The following KCNH5 variants were observed in gnomAD, a reference collection of about 807,000 sequenced individuals.
KCNH5 encodes voltage-gated delayed rectifier potassium channel KCNH5.
In KCNH5, 46 loss-of-function variants were observed where a neutral mutation model predicts 96.1. That is an observed-to-expected ratio of 0.48 (90% confidence interval 0.38 to 0.61). The LOEUF (loss-of-function observed/expected upper bound fraction) is 0.61, where lower values mean the gene tolerates loss of function less well. KCNH5 is among the 20% of genes least tolerant of loss of function. KCNH5 has a pLI of 0.00. For missense variants in KCNH5, 907 were observed against 1,225.8 expected, an observed-to-expected ratio of 0.74 and a Z score of 3.88; for synonymous variants, 439 against 449.8, an observed-to-expected ratio of 0.98 and a Z score of 0.30.
intron 8 of KCNH5, among the ~76,000 whole-genome samples, chr14:62,833,589 CT>C (rs1336868315): frequency 2.6e-5 from 4 of 151,904 alleles, no homozygotes; most frequent in Admixed American, 2.6e-4. Flanking sequence ...GTTTTTCTTT[CT>C]CAAGATTGCT....
intron 10 of KCNH5, among the ~76,000 whole-genome samples, chr14:62,760,309 T>A (rs1445802253): frequency 6.6e-6 from 1 of 152,226 alleles, no homozygotes; most frequent in Non-Finnish European, 1.5e-5. Context: ...ATTACCCATG[T>A]AATGCTCTAA....
intron 8 of KCNH5, among the ~76,000 whole-genome samples, chr14:62,836,944 C>A (rs1887477242): frequency 6.6e-6 from 1 of 152,100 alleles, no homozygotes; most frequent in African/African-American, 2.4e-5. Flanking sequence ...TTTGACTCTA[C>A]CGTTTATTAG....
chr14:62,785,721 A>G (rs1398915088), intron 9 of KCNH5, among the ~76,000 whole-genome samples: 1 of 152,228 alleles, frequency 6.6e-6, no homozygotes, highest in Non-Finnish European at 1.5e-5. Context: ...AGGAAACTGG[A>G]ACATTTAAGA....
intron 8 of KCNH5, among the ~76,000 whole-genome samples, chr14:62,816,208 C>T (rs1422568395): frequency 6.6e-6 from 1 of 151,706 alleles, no homozygotes; most frequent in Non-Finnish European, 1.5e-5. Context: ...AAATATAGTT[C>T]AGCAATTGAA....
chr14:63,002,948 C>T lies in KCNH5; in HGVS notation c.305-1489G>A, dbSNP rs111595119. ...GACCAGGAACTGTGAGTGATGTGCA[C>T]GGTTTTACAAATCACCAGACCCAGA... On this transcript the variant is annotated intron_variant, in intron 3 of 10. Transcript: ENST00000322893. 2.1e-3 allele frequency among the ~76,000 whole-genome samples: 317 copies of T among 152,180 alleles called. 3 individuals carry two copies. The highest frequency in any genetic ancestry group is 7.2e-3 in the African/African-American group (300 of 41,520).
intron 8 of KCNH5, among the ~76,000 whole-genome samples, chr14:62,821,669 AT>A (rs1887116212): frequency 1.3e-5 from 2 of 152,164 alleles, no homozygotes; most frequent in Admixed American, 6.6e-5. Flanking sequence ...AATATTATTT[AT>A]TCAGACATAA....
chr14:63,014,154 T>C (rs573586053), intron 2 of KCNH5, among the ~76,000 whole-genome samples: 58 of 152,234 alleles, frequency 3.8e-4, no homozygotes, highest in African/African-American at 1.4e-3. Context: ...CTCTGATAAG[T>C]AAAGACAATT....
Position 62,802,600 on chromosome 14 carries a change from GA to G in KCNH5, c.1570-20del, listed in dbSNP as rs1886686865. 3 of 1,609,130 alleles carry G rather than the reference GA, an allele frequency of 1.9e-6. No homozygotes were observed. Among genetic ancestry groups the G allele is most frequent in the Non-Finnish European group, 2.5e-6 (3 of 1,176,486 alleles). ...AGAGGACCTAAAGAAGGTGAGAGAT[GA>G]ATAAGTGAAAAGGAAAGAGGAAGGG... is the stretch of plus-strand genomic sequence containing the variant. On this transcript the variant is annotated intron_variant, in intron 8 of 10. Transcript: ENST00000322893.
chr14:62,699,806 A>G lies in KCNH5; in HGVS notation c.*7702T>C, dbSNP rs188492157. 49 of 152,282 alleles carry G rather than the reference A, an allele frequency of 3.2e-4. No homozygotes were observed. Among genetic ancestry groups the G allele is most frequent in the African/African-American group, 1.1e-3 (45 of 41,566 alleles). The allele number at this position is 152,282 out of a possible 1,614,324, so 9.4% of individuals were successfully genotyped here. On this transcript the variant is annotated 3_prime_UTR_variant, in exon 11 of 11. Transcript: ENST00000322893. ...GGTCAACAGTACATACAAAATTTCT[A>G]TATTATACATTGCAGTATCTTTGTT...
intron 10 of KCNH5, among the ~76,000 whole-genome samples, chr14:62,745,308 A>G (rs1283404542): frequency 6.6e-6 from 1 of 152,204 alleles, no homozygotes; most frequent in African/African-American, 2.4e-5. Flanking sequence ...AGTGGCAGCC[A>G]TGTCAATTCC....
At chr14:62,810,447 A>C (rs935665275) in intron 8 of KCNH5, among the ~76,000 whole-genome samples, 1 of 152,082 alleles carries the variant, frequency 6.6e-6, no homozygotes, top group Non-Finnish European at 1.5e-5. Flanking sequence ...GCTGAGACGT[A>C]CTGGGCTACA....
At chr14:62,722,454 G>C (rs2139915013) in intron 10 of KCNH5, among the ~76,000 whole-genome samples, 2 of 152,280 alleles carry the variant, frequency 1.3e-5, no homozygotes, top group East Asian at 3.9e-4. Context: ...ACAGTGAAGA[G>C]TGACAAAGCA....
intron 8 of KCNH5, among the ~76,000 whole-genome samples, chr14:62,824,075 C>A (rs977035204): frequency 6.6e-6 from 1 of 151,338 alleles, no homozygotes; most frequent in Non-Finnish European, 1.5e-5. Context: ...TTAACCAATC[C>A]CAGAGAGAAA....
chr14:62,781,521 G>T (rs114646236), intron 9 of KCNH5, among the ~76,000 whole-genome samples: 1,874 of 152,242 alleles, frequency 0.012, 31 homozygotes, highest in African/African-American at 0.042. Context: ...AGTCTCGACC[G>T]TAAGAGACGG....
At chr14:62,913,417 G>A (rs199982468) in intron 7 of KCNH5, among the ~76,000 whole-genome samples, 3 of 149,710 alleles carry the variant, frequency 2.0e-5, no homozygotes, top group Admixed American at 6.6e-5. Context: ...TAGTAGAGAC[G>A]GGGTTTTACC....
intron 10 of KCNH5, among the ~76,000 whole-genome samples, chr14:62,720,920 A>G (rs1367921089): frequency 6.6e-6 from 1 of 152,206 alleles, no homozygotes; most frequent in African/African-American, 2.4e-5. Flanking sequence ...CATGCACAGT[A>G]TGCAAAAGTG....
intron 7 of KCNH5, among the ~76,000 whole-genome samples, chr14:62,873,948 A>C (rs991938670): frequency 1.3e-5 from 2 of 152,178 alleles, no homozygotes; most frequent in Non-Finnish European, 2.9e-5. Flanking sequence ...ACATGACATC[A>C]TATTTTCGGG....
chr14:62,994,645 TG>T (rs1374978501), intron 4 of KCNH5, among the ~76,000 whole-genome samples: 4 of 152,042 alleles, frequency 2.6e-5, no homozygotes, highest in Non-Finnish European at 1.5e-5. Flanking sequence ...ATTCTCAACC[TG>T]TGCTTCATTT....
chr14:62,929,066 T>A (rs1889530647), intron 7 of KCNH5, among the ~76,000 whole-genome samples: 1 of 152,060 alleles, frequency 6.6e-6, no homozygotes, highest in African/African-American at 2.4e-5. Flanking sequence ...AAACTTAACA[T>A]GACTTATCAA....
Sources: allele counts gnomAD v4.1 joint callset (sites outside exome capture counted in the v4.1 genomes callset), GRCh38; gene constraint gnomAD v4.1.1; transcripts MANE v1.5; gene names NCBI Gene and HGNC (gene_info 2026-07-23, HGNC 2026-07-21).